The following DDX51 variants were observed in gnomAD, a reference collection of about 807,000 sequenced individuals.
DDX51 encodes the protein ATP-dependent RNA helicase DDX51.
DDX51 carries 67 observed loss-of-function variants against 74.6 expected under a neutral mutation model. The ratio of observed to expected loss-of-function variants is 0.90; its 90% CI spans 0.74 to 1.10. The LOEUF (loss-of-function observed/expected upper bound fraction) is 1.10. DDX51 is among the 50% of genes least tolerant of loss of function. The probability of loss-of-function intolerance (pLI) is 0.00; values close to 1 mark genes in which losing one functional copy is unlikely to be tolerated. For missense variants in DDX51, 1,056 were observed against 905.2 expected (o/e 1.17, Z -2.14); for synonymous variants, 545 against 402.9 (o/e 1.35, Z -4.22).
Position 132,137,785 on chromosome 12 carries a change from G to A in DDX51, c.*1487C>T, listed in dbSNP as rs1445910833. 6.6e-6 allele frequency: 1 copy of A among 152,192 alleles called. No individual in the cohort carries two copies. The highest frequency in any genetic ancestry group is 1.5e-5 in the Non-Finnish European group (1 of 68,038). 9.4% of individuals were successfully genotyped at this position (152,192 alleles called of 1,614,324 possible). A position where few individuals can be genotyped will look rare whatever the true frequency, so the allele number is the denominator to read the frequency against. On this transcript the variant is annotated 3_prime_UTR_variant, in exon 15 of 15. Coordinates refer to ENST00000397333, the MANE Select transcript of DDX51 (RefSeq NM_175066.4). ...CCCAGTCCATGGTTTTTAGTAAAAG[G>A]TTTATAGAGGTGAGCAGCCATCACC...
Position 132,137,383 on chromosome 12 carries a change from T to C in DDX51, c.*1889A>G, listed in dbSNP as rs1251925118. ...GAGAAGTGATTTTGAACCCCGAGGTTAGAAAGGGAGCTATTTTTGAGCTGC... is the reference window on the plus strand; with the variant it reads ...GAGAAGTGATTTTGAACCCCGAGGTCAGAAAGGGAGCTATTTTTGAGCTGC... On this transcript the variant is annotated 3_prime_UTR_variant, in exon 15 of 15. Transcript: ENST00000397333. 6.6e-6 allele frequency: 1 copy of C among 152,226 alleles called. No individual in the cohort carries two copies. The highest frequency in any genetic ancestry group is 1.9e-4 in the East Asian group (1 of 5,192). 9.4% of individuals were successfully genotyped at this position (152,226 alleles called of 1,614,324 possible). A position where few individuals can be genotyped will look rare whatever the true frequency, so the allele number is the denominator to read the frequency against.
At chr12:132,139,385 G>C in intron 14 of DDX51, 87 bp from the exon 15 acceptor site, 3 of 1,565,284 alleles carry the variant, frequency 1.9e-6, no homozygotes, top group Non-Finnish European at 2.6e-6. Context: ...GGAACCCTGA[G>C]GACAGGAAGC....
In DDX51 at chr12:132,140,853, T is replaced by C. The variant is rs1897427683; in HGVS notation, c.1418A>G (p.Tyr473Cys). 1.2e-6 allele frequency: 2 copies of C among 1,613,556 alleles called. No individual in the cohort carries two copies. The highest frequency in any genetic ancestry group is 1.7e-6 in the Non-Finnish European group (2 of 1,179,960). Reference protein sequence around the residue: ...DTDGDGDSGKYAFPVGLTHHY... With the variant: ...DTDGDGDSGKCAFPVGLTHHY... ...CACCGTGAGCCCAACAGGAAAGGCA[T>C]ACTTCCCCGAATCCCCGTCCCCATC... The change falls in exon 9 of 15, where the codon TAT (tyrosine) becomes TGT (cysteine). Residue 473 changes from tyrosine (Y) to cysteine (C), a missense_variant. Tyr to Cys is a radical substitution (Grantham distance 194, BLOSUM62 -2). Transcript: ENST00000397333.
chr12:132,140,374 A>G (rs776287467), intron 11 of DDX51, 49 bp downstream of exon 11: 4 of 1,594,340 alleles, frequency 2.5e-6, no homozygotes, highest in African/African-American at 1.3e-5. Flanking sequence ...CTGACCCTGG[A>G]GTGGGCACCC....
At position 132,143,786 on chromosome 12, in the gene DDX51, G is replaced by A; in HGVS notation, c.428C>T (p.Ala143Val). The change falls in exon 2 of 15, where the codon GCG (alanine) becomes GTG (valine). Residue 143 changes from alanine to valine, a missense_variant. Coordinates refer to ENST00000397333, the MANE Select transcript of DDX51 (RefSeq NM_175066.4). Reference sequence around the variant, plus strand: ...CTCCAGGGCCGGTCCATCTGGGGCCGCCTCGGCGCTGGCGCTGGTGCTGCG... The same window carrying A: ...CTCCAGGGCCGGTCCATCTGGGGCCACCTCGGCGCTGGCGCTGGTGCTGCG... ...GERSTSASAE[A>V]APDGPALEEA... 6.6e-7 allele frequency: 1 copy of A among 1,519,350 alleles called. No individual in the cohort carries two copies. 94.1% of individuals were successfully genotyped at this position (1,519,350 alleles called of 1,614,324 possible). A position where few individuals can be genotyped will look rare whatever the true frequency, so the allele number is the denominator to read the frequency against.
chr12:132,140,299 C>A, intron 11 of DDX51, 100 bp from the exon 12 acceptor site: 1 of 1,556,862 alleles, frequency 6.4e-7, no homozygotes, highest in Non-Finnish European at 8.8e-7. Flanking sequence ...TGGGAACTGG[C>A]TGCCATGGGG....
rs1448522972 is a variant in DDX51, at chr12:132,142,894, A to G, written c.520-16T>C. ...AAGGCTGGACCTGCCATCAAAAAGA[A>G]AGAGAGGCCAGGTGAGCGCTTTCCA... On this transcript the variant is annotated splice_polypyrimidine_tract_variant and intron_variant, in intron 2 of 14. Coordinates refer to ENST00000397333, the MANE Select transcript of DDX51 (RefSeq NM_175066.4). The G allele has an allele frequency of 5.0e-6, 8 of 1,612,000 alleles. No individual in the cohort carries two copies. The highest frequency in any genetic ancestry group is 2.2e-5 in the East Asian group (1 of 44,896).
In DDX51 at chr12:132,136,644, GA is replaced by G. The variant is rs1424318056; in HGVS notation, c.*2627del. The G allele has an allele frequency of 6.5e-6, 1 of 152,994 alleles. No homozygotes were observed. Among genetic ancestry groups the G allele is most frequent in the East Asian group, 1.9e-4 (1 of 5,190 alleles). The allele number at this position is 152,994 out of a possible 1,614,324, so 9.5% of individuals were successfully genotyped here. ...AAAGGAAGAAGAGCTCTCCGTTGCA[GA>G]GGGGGCCTGAGCGGGTTGCTAAGTT... On this transcript the variant is annotated 3_prime_UTR_variant, in exon 15 of 15. Coordinates refer to ENST00000397333, the MANE Select transcript of DDX51 (RefSeq NM_175066.4).
At chr12:132,141,101 A>G in intron 8 of DDX51, 81 bp from the exon 9 acceptor site, 2 of 1,512,356 alleles carry the variant, frequency 1.3e-6, no homozygotes, top group East Asian at 2.3e-5. Context: ...CATGCTACGC[A>G]CTGTAGAGAC....
In DDX51 at chr12:132,137,593, C is replaced by T. The variant is rs1265011560; in HGVS notation, c.*1679G>A. Reference sequence around the variant, plus strand: ...TCCCCATCCCAGACATTCTTTGCATCTAAGCTGAGGTCTGAACTGAGTGGG... The same window carrying T: ...TCCCCATCCCAGACATTCTTTGCATTTAAGCTGAGGTCTGAACTGAGTGGG... On this transcript the variant is annotated 3_prime_UTR_variant, in exon 15 of 15. Transcript: ENST00000397333. 6.6e-6 allele frequency: 1 copy of T among 152,206 alleles called. No individual in the cohort carries two copies. Among genetic ancestry groups the T allele is most frequent in the Non-Finnish European group, 1.5e-5 (1 of 68,050 alleles). 9.4% of individuals were successfully genotyped at this position (152,206 alleles called of 1,614,324 possible).
At chr12:132,143,012 C>T (rs888605365) in intron 2 of DDX51, 134 bp from the exon 3 acceptor site, 57 of 1,184,128 alleles carry the variant, frequency 4.8e-5, no homozygotes, top group South Asian at 1.3e-4. Flanking sequence ...CCCCAGGATG[C>T]GCTTTCCATA....
In DDX51 at chr12:132,140,859, C is replaced by A; in HGVS notation, c.1412G>T (p.Gly471Val). ...LEDTDGDGDS[G>V]KYAFPVGLTH... ...GAGCCCAACAGGAAAGGCATACTTC[C>A]CCGAATCCCCGTCCCCATCTGTATC... Residue 471 changes from glycine (G) to valine (V), a missense_variant, in exon 9 of 15, where the codon GGG becomes GTG. Gly to Val is a moderately radical substitution (Grantham distance 109, BLOSUM62 -3). Transcript: ENST00000397333. The A allele has an allele frequency of 6.2e-7, 1 of 1,613,612 alleles. No homozygotes were observed.
rs1383589740 is a variant in DDX51 at position 132,136,641 on chromosome 12, G to C, written c.*2631C>G. ...CAAAAAGGAAGAAGAGCTCTCCGTT[G>C]CAGAGGGGGCCTGAGCGGGTTGCTA... On this transcript the variant is annotated 3_prime_UTR_variant, in exon 15 of 15. Transcript: ENST00000397333. 2.0e-5 allele frequency: 3 copies of C among 153,004 alleles called. No individual in the cohort carries two copies. The highest frequency in any genetic ancestry group is 4.4e-5 in the Non-Finnish European group (3 of 68,614). 9.5% of individuals were successfully genotyped at this position (153,004 alleles called of 1,614,324 possible).
rs759816039 is a variant in DDX51 at position 132,140,652 on chromosome 12, G to C, written c.1524C>G (p.Leu508=). The change falls in exon 10 of 15, where the codon CTC becomes CTG. Residue 508 remains leucine (L), a synonymous_variant. Coordinates refer to ENST00000397333, the MANE Select transcript of DDX51 (RefSeq NM_175066.4). ...AGTTCTCTCGGGAGTTAGTGAAGCA[G>C]AGAACCCTCGAGAAGCCCATCTCCA... is the stretch of plus-strand genomic sequence containing the variant. ...LVLEMGFSRV[L]CFTNSRENSH... The C allele has an allele frequency of 2.5e-6, 4 of 1,612,834 alleles. No homozygotes were observed. The highest frequency in any genetic ancestry group is 3.3e-5 in the Admixed American group (2 of 60,008).
intron 8 of DDX51, 56 bp from the exon 9 acceptor site, chr12:132,141,076 G>C (rs989290374): frequency 1.3e-6 from 2 of 1,544,740 alleles, no homozygotes; most frequent in African/African-American, 1.4e-5. Context: ...CGAACCTCCA[G>C]GGAACAGGAT....
At chr12:132,142,011 C>T in intron 5 of DDX51, 55 bp from the exon 6 acceptor site, 4 of 1,606,668 alleles carry the variant, frequency 2.5e-6, no homozygotes, top group Non-Finnish European at 2.6e-6. Context: ...CCTACTGCAG[C>T]AAAAAGGACC....
chr12:132,143,345 A>G (rs928947285), intron 2 of DDX51: 1 of 462,314 alleles, frequency 2.2e-6, no homozygotes, highest in South Asian at 2.5e-5. Context: ...TTTACCGAAA[A>G]CCACACGTGC....
Position 132,140,750 on chromosome 12 carries a change from G to A in DDX51, c.1441-15C>T, listed in dbSNP as rs774494879. ...ACGTAGTGGTGCTACAGGGACGGCA[G>A]GGGGTCGGGGTGGAGGTGAGGGTTG... On this transcript the variant is annotated splice_polypyrimidine_tract_variant and intron_variant, in intron 9 of 14. Transcript: ENST00000397333. 9 of 1,612,882 alleles carry A rather than the reference G, an allele frequency of 5.6e-6. No individual in the cohort carries two copies. The highest frequency in any genetic ancestry group is 3.3e-5 in the Admixed American group (2 of 59,998).
rs10128885 is a variant in DDX51 at position 132,137,209 on chromosome 12, G to A, written c.*2063C>T. ...CTTCCCTTAGTGCACCTAAGGGGAC[G>A]GGAATGTGCTTATTAGGGTCCACTG... On this transcript the variant is annotated 3_prime_UTR_variant, in exon 15 of 15. Coordinates refer to ENST00000397333, the MANE Select transcript of DDX51 (RefSeq NM_175066.4). 37,827 of 151,974 alleles carry A rather than the reference G, an allele frequency of 0.25. 7,193 individuals are homozygous for A. The highest frequency in any genetic ancestry group is 0.53 in the African/African-American group (21,946 of 41,356). The allele number at this position is 151,974 out of a possible 1,614,324, so 9.4% of individuals were successfully genotyped here. A position where few individuals can be genotyped will look rare whatever the true frequency, so the allele number is the denominator to read the frequency against.
Sources: allele counts gnomAD v4.1 joint callset, GRCh38; gene constraint gnomAD v4.1.1; transcripts MANE v1.5; gene names NCBI Gene and HGNC (gene_info 2026-07-23, HGNC 2026-07-21).